The following RAB43 variants were observed in gnomAD, a reference collection of about 807,000 sequenced individuals.
RAB43 encodes the protein RAB43, member RAS oncogene family, also known as ras-related protein Rab-43.
A neutral mutation model predicts 18.8 loss-of-function variants in RAB43; 6 were observed. The observed-to-expected ratio is 0.32, with a 90% CI of 0.17 to 0.63. RAB43 has a LOEUF of 0.63. Among genes scored for constraint, RAB43 ranks in the 30% least tolerant of loss-of-function variants. RAB43 has a pLI of 0.79. For synonymous variants in RAB43, 103 were observed against 124.1 expected (o/e 0.83, Z 1.13); for missense variants, 195 against 289.1 (o/e 0.67, Z 2.36).
chr3:129,116,820 C>G (rs1007346281), intron 1 of RAB43, among the ~76,000 whole-genome samples: 2 of 152,114 alleles, frequency 1.3e-5, no homozygotes, highest in Non-Finnish European at 2.9e-5. Context: ...GCCGGTGTGC[C>G]TAGTGATCTG....
intron 1 of RAB43, among the ~76,000 whole-genome samples, chr3:129,102,886 G>A (rs955115364): frequency 6.6e-6 from 1 of 152,056 alleles, no homozygotes; most frequent in Non-Finnish European, 1.5e-5. Context: ...CTTTAACTAC[G>A]TTACTTTTGA....
intron 1 of RAB43, among the ~76,000 whole-genome samples, chr3:129,110,525 CAAGT>C (rs1349520366): frequency 6.6e-6 from 1 of 152,178 alleles, no homozygotes; most frequent in Admixed American, 6.6e-5. Context: ...CAAAACAAGG[CAAGT>C]AAGGGCATAA....
intron 1 of RAB43, among the ~76,000 whole-genome samples, chr3:129,104,178 T>C (rs893775701): frequency 1.3e-5 from 2 of 152,244 alleles, no homozygotes; most frequent in Non-Finnish European, 2.9e-5. Context: ...TACATTGTTA[T>C]GGCTAAGGTG....
rs770654743 is a variant in RAB43 at position 129,121,507 on chromosome 3, AG to A, written c.-19del. ...CCTGCCATGGCCTAGAAGAAGCCGA[AG>A]GGCCGGCGCTCTGGACGCTGGGACC... On this transcript the variant is annotated 5_prime_UTR_variant, in exon 1 of 3. Transcript: ENST00000315150. 7.4e-5 allele frequency: 118 copies of A among 1,588,386 alleles called. No homozygotes were observed. The highest frequency in any genetic ancestry group is 9.9e-5 in the Non-Finnish European group (116 of 1,167,924).
intron 2 of RAB43, among the ~76,000 whole-genome samples, chr3:129,092,749 A>G (rs901140611): frequency 2.0e-5 from 3 of 151,640 alleles, no homozygotes; most frequent in Non-Finnish European, 4.4e-5. Flanking sequence ...GAGGTCAGGA[A>G]ATCGAGACCA....
At chr3:129,098,859 G>A (rs1459746877) in intron 1 of RAB43, among the ~76,000 whole-genome samples, 1 of 152,050 alleles carries the variant, frequency 6.6e-6, no homozygotes, top group East Asian at 1.9e-4. Flanking sequence ...GATCACTTGA[G>A]GTCAGGAGTT....
chr3:129,109,206 C>A (rs7615212), intron 1 of RAB43, among the ~76,000 whole-genome samples: 11,446 of 151,860 alleles, frequency 0.075, 1,436 homozygotes, highest in African/African-American at 0.26. Flanking sequence ...GTCAGGAGAT[C>A]GAGACCATCC....
chr3:129,120,480 G>A (rs904197901), intron 1 of RAB43, among the ~76,000 whole-genome samples: 1 of 152,182 alleles, frequency 6.6e-6, no homozygotes, highest in African/African-American at 2.4e-5. Context: ...CTTCAGCCCA[G>A]GATCTCCTGG....
In RAB43 at chr3:129,088,060, GC is replaced by G. The variant is rs941499354; in HGVS notation, c.*3035del. 2.6e-5 allele frequency: 4 copies of G among 152,182 alleles called. No individual in the cohort carries two copies. The highest frequency in any genetic ancestry group is 4.8e-5 in the African/African-American group (2 of 41,442). The allele number at this position is 152,182 out of a possible 1,614,324, so 9.4% of individuals were successfully genotyped here. A position where few individuals can be genotyped will look rare whatever the true frequency, so the allele number is the denominator to read the frequency against. On this transcript the variant is annotated 3_prime_UTR_variant, in exon 3 of 3. Coordinates refer to ENST00000315150, the MANE Select transcript of RAB43 (RefSeq NM_198490.3). ...CTCCTTCCGCCCCAGAGCCCGGGCTGCCGGGAGAGCTTAGCCTGCCAAGGGG... is the reference window on the plus strand; with the variant it reads ...CTCCTTCCGCCCCAGAGCCCGGGCTGCGGGAGAGCTTAGCCTGCCAAGGGG...
intron 1 of RAB43, among the ~76,000 whole-genome samples, chr3:129,096,408 T>C (rs1305270387): frequency 6.6e-6 from 1 of 152,274 alleles, no homozygotes; most frequent in African/African-American, 2.4e-5. Flanking sequence ...ACCAGGCCTA[T>C]GTTCCATAGT....
At chr3:129,097,326 C>A (rs1934122107) in intron 1 of RAB43, among the ~76,000 whole-genome samples, 1 of 152,158 alleles carries the variant, frequency 6.6e-6, no homozygotes, top group Non-Finnish European at 1.5e-5. Context: ...TCCAGAACAA[C>A]AGGCAAGAAG....
At chr3:129,100,130 A>G (rs1576825171) in intron 1 of RAB43, among the ~76,000 whole-genome samples, 1 of 152,342 alleles carries the variant, frequency 6.6e-6, no homozygotes, top group Middle Eastern at 3.4e-3. Context: ...GTCTGATAAA[A>G]GACATATTCC....
intron 1 of RAB43, among the ~76,000 whole-genome samples, chr3:129,106,421 G>C (rs1409301568): frequency 1.3e-5 from 2 of 152,192 alleles, no homozygotes; most frequent in Non-Finnish European, 2.9e-5. Flanking sequence ...GCGAGCTCCT[G>C]ACTGCCGCTG....
rs1053452269 is a variant in RAB43 at position 129,095,253 on chromosome 3, A to T, written c.205-84T>A. 28 of 1,508,186 alleles carry T rather than the reference A, an allele frequency of 1.9e-5. No individual in the cohort carries two copies. The highest frequency in any genetic ancestry group is 2.5e-5 in the Non-Finnish European group (28 of 1,123,588). The allele number at this position is 1,508,186 out of a possible 1,614,324, so 93.4% of individuals were successfully genotyped here. A position where few individuals can be genotyped will look rare whatever the true frequency, so the allele number is the denominator to read the frequency against. On this transcript the variant is annotated intron_variant, in intron 1 of 2. Coordinates refer to ENST00000315150, the MANE Select transcript of RAB43 (RefSeq NM_198490.3). The surrounding 1 kb of genome is among the most constrained non-coding windows in gnomAD (Gnocchi z 4.2). ...AGAGTGACCCCACAGACCCACACCC[A>T]GAGCTGTGGTTCCACTGGGCTAGGA...
intron 1 of RAB43, among the ~76,000 whole-genome samples, chr3:129,109,667 G>A (rs1467620603): frequency 6.6e-6 from 1 of 151,192 alleles, no homozygotes; most frequent in Non-Finnish European, 1.5e-5. Context: ...GCTTGAACCT[G>A]GGAGGTGGAG....
rs1029128317 is a variant in RAB43 at position 129,094,460 on chromosome 3, GCT to G, written c.388+524_388+525del. Among the ~76,000 whole-genome samples the G allele has an allele frequency of 4.3e-4, 64 of 147,518 alleles. 1 individual carries two copies. Among genetic ancestry groups the G allele is most frequent in the African/African-American group, 1.6e-3 (63 of 40,060 alleles). ...GTGAAGAACAGCAGAGCAAACTTCA[GCT>G]CTCTTTCTTCTTTCCTCTAATTCCA... On this transcript the variant is annotated intron_variant, in intron 2 of 2. Transcript: ENST00000315150.
chr3:129,115,839 A>T (rs771139908), intron 1 of RAB43, among the ~76,000 whole-genome samples: 35 of 152,190 alleles, frequency 2.3e-4, no homozygotes, highest in Non-Finnish European at 4.4e-4. Flanking sequence ...AAATAAAAAT[A>T]TTAAATGGTA....
In RAB43 at chr3:129,095,292, C is replaced by T; in HGVS notation, c.205-123G>A. 4 of 1,355,140 alleles carry T rather than the reference C, an allele frequency of 3.0e-6. No individual in the cohort carries two copies. Among genetic ancestry groups the T allele is most frequent in the Non-Finnish European group, 3.0e-6 (3 of 1,014,338 alleles). 83.9% of individuals were successfully genotyped at this position (1,355,140 alleles called of 1,614,324 possible). On this transcript the variant is annotated intron_variant, in intron 1 of 2. Coordinates refer to ENST00000315150, the MANE Select transcript of RAB43 (RefSeq NM_198490.3). The surrounding 1 kb of genome is among the most constrained non-coding windows in gnomAD (Gnocchi z 4.2). ...ACTGGGCTAGGAGGCCTTCTGAGTC[C>T]TTAGAAAGCAACTCAATGGCTCAAC...
chr3:129,091,557 C>A (rs1169379394), intron 2 of RAB43, among the ~76,000 whole-genome samples: 1 of 152,178 alleles, frequency 6.6e-6, no homozygotes, highest in Non-Finnish European at 1.5e-5. Flanking sequence ...GAAGCTAAGG[C>A]AGGAAGACTG....
Sources: gnomAD v4.1 joint callset for allele counts (sites outside exome capture counted in the v4.1 genomes callset) on GRCh38, gnomAD v4.1.1 for gene constraint, Gnocchi (gnomAD v3.1) non-coding constraint, MANE v1.5 for transcripts, NCBI Gene and HGNC (gene_info 2026-07-23, HGNC 2026-07-21) for gene names.